KMT2A: variants seen among roughly 807,000 people sequenced by gnomAD.
The protein encoded by KMT2A is lysine methyltransferase 2A.
KMT2A carries 16 observed loss-of-function variants against 345.3 expected under a neutral mutation model. The ratio of observed to expected loss-of-function variants is 0.05; its 90% CI spans 0.03 to 0.07. KMT2A has a LOEUF of 0.07. Among genes scored for constraint, KMT2A ranks in the 10% least tolerant of loss-of-function variants. KMT2A has a pLI of 1.00. For synonymous variants in KMT2A, 1,599 were observed against 1,778.6 expected, an observed-to-expected ratio of 0.90 and a Z score of 2.54; for missense variants, 3,272 against 4,841.6, an observed-to-expected ratio of 0.68 and a Z score of 9.62.
intron 3 of KMT2A, among the ~76,000 whole-genome samples, 198 bp downstream of exon 3, chr11:118,474,513 G>A (rs556928784): frequency 6.6e-6 from 1 of 152,282 alleles, no homozygotes; most frequent in East Asian, 1.9e-4. Flanking sequence ...AACATTCTAA[G>A]TAGAGGGAAC....
chr11:118,437,082 TC>T, intron 1 of KMT2A, 138 bp downstream of exon 1: 1 of 1,052,518 alleles, frequency 9.5e-7, no homozygotes, highest in African/African-American at 1.7e-5. Flanking sequence ...GGCTCTCCCA[TC>T]TTGGGACCCC....
At position 118,502,895 on chromosome 11, in the gene KMT2A, G is replaced by T; in HGVS notation, c.7003G>T (p.Ala2335Ser). ...GGCTTACCCTGGAATTCCTAAACTG[G>T]CCCCACAGGTTCATAACACAACATC... is the stretch of plus-strand genomic sequence containing the variant. ...NVAYPGIPKL[A>S]PQVHNTTSRE... The change falls in exon 27 of 36, where the codon GCC becomes TCC. Residue 2335 changes from alanine to serine, a missense_variant. Physicochemically the swap from Ala to Ser is moderately conservative, Grantham distance 99. This residue lies in a region of KMT2A where 445 missense variants were observed against 500.9 expected (regional missense o/e 0.89). Coordinates refer to ENST00000534358, the MANE Select transcript of KMT2A (RefSeq NM_001197104.2). This position sits in a 1 kb window ranked among gnomAD's most constrained non-coding sequence, Gnocchi z 4.9. The T allele has an allele frequency of 6.2e-7, 1 of 1,614,106 alleles. No individual in the cohort carries two copies. The highest frequency in any genetic ancestry group is 8.5e-7 in the Non-Finnish European group (1 of 1,180,012).
At chr11:118,486,011 A>G (rs1303730324) in intron 10 of KMT2A, among the ~76,000 whole-genome samples, 2 of 152,218 alleles carry the variant, frequency 1.3e-5, no homozygotes, top group African/African-American at 2.4e-5. Context: ...TGAACCCGGG[A>G]GGTGGAGCTT....
chr11:118,519,915 T>A, intron 32 of KMT2A, 42 bp from the exon 33 acceptor site: 1 of 1,564,300 alleles, frequency 6.4e-7, no homozygotes. Context: ...TACTGCTTTA[T>A]TAAAGCATTT....
At chr11:118,450,923 T>G (rs1949522696) in intron 1 of KMT2A, among the ~76,000 whole-genome samples, 1 of 152,246 alleles carries the variant, frequency 6.6e-6, no homozygotes, top group Non-Finnish European at 1.5e-5. Flanking sequence ...TATATTATAC[T>G]TTTCTTACTG....
In KMT2A at chr11:118,498,025, C is replaced by T. The variant is rs555459464; in HGVS notation, c.5754C>T (p.Asp1918=). ...CAGCGGAAGTGTTTGAAGATGATGA[C>T]GGATCACTAAAGAATGTGCATATGG... is the stretch of plus-strand genomic sequence containing the variant. The part of the protein sequence containing the change: ...LWSAEVFEDD[D]GSLKNVHMAV... Residue 1918 remains aspartate (D), a synonymous_variant, in exon 21 of 36, where the codon GAC becomes GAT. Coordinates refer to ENST00000534358, the MANE Select transcript of KMT2A (RefSeq NM_001197104.2). The surrounding 1 kb of genome is among the most constrained non-coding windows in gnomAD (Gnocchi z 4.4). 2.1e-5 allele frequency: 34 copies of T among 1,614,016 alleles called. No homozygotes were observed. The highest frequency in any genetic ancestry group is 9.9e-5 in the South Asian group (9 of 91,076).
rs1436345020 is a variant in KMT2A, at chr11:118,494,501, A to G, written c.5289+103A>G. 3 of 841,084 alleles carry G rather than the reference A, an allele frequency of 3.6e-6. No individual in the cohort carries two copies. Among genetic ancestry groups the G allele is most frequent in the Non-Finnish European group, 5.8e-6 (3 of 519,576 alleles). The allele number at this position is 841,084 out of a possible 1,614,324, so 52.1% of individuals were successfully genotyped here. On this transcript the variant is annotated intron_variant, in intron 17 of 35. Coordinates refer to ENST00000534358, the MANE Select transcript of KMT2A (RefSeq NM_001197104.2). The surrounding 1 kb of genome is among the most constrained non-coding windows in gnomAD (Gnocchi z 5.8). ...TTCTACTTTTTGCTTTGTGGTGTGT[A>G]TAAAACATCTTTGGTTTAATTTGAT...
chr11:118,437,680 C>G (rs12273879), intron 1 of KMT2A, among the ~76,000 whole-genome samples: 11 of 151,392 alleles, frequency 7.3e-5, no homozygotes, highest in East Asian at 1.9e-4. Flanking sequence ...TCTCTTCCCC[C>G]CCCCGCCCCG....
rs1950568338 is a variant in KMT2A at position 118,505,635 on chromosome 11, C to T, written c.9743C>T (p.Pro3248Leu). ...APSSTPSNIA[P>L]SDVVSNMTLI... ...TCTAGTACCCCTTCAAACATTGCCCCTTCTGATGTGGTTTCTAATATGACA... is the reference window on the plus strand; with the variant it reads ...TCTAGTACCCCTTCAAACATTGCCCTTTCTGATGTGGTTTCTAATATGACA... The change falls in exon 27 of 36, where the codon CCT becomes CTT. Residue 3248 changes from proline (P) to leucine (L), a missense_variant. By Grantham distance (98) the Pro-to-Leu change is moderately conservative. Transcript: ENST00000534358. The surrounding 1 kb of genome is among the most constrained non-coding windows in gnomAD (Gnocchi z 4.6). 1.2e-6 allele frequency: 2 copies of T among 1,614,172 alleles called. No individual in the cohort carries two copies. Among genetic ancestry groups the T allele is most frequent in the Non-Finnish European group, 1.7e-6 (2 of 1,180,034 alleles).
Position 118,491,305 on chromosome 11 carries a change from T to C in KMT2A, c.4806T>C (p.Leu1602=). ...DRWVHSKCEN[L]SGTEDEMYEI... Reference sequence around the variant, plus strand: ...GGGTCCATTCCAAATGTGAGAATCTTTCAGGTACAGAAGGTTGGAGTCTTT... The same window carrying C: ...GGGTCCATTCCAAATGTGAGAATCTCTCAGGTACAGAAGGTTGGAGTCTTT... Residue 1602 remains leucine, a synonymous_variant, in exon 14 of 36, where the codon CTT becomes CTC. Coordinates refer to ENST00000534358, the MANE Select transcript of KMT2A (RefSeq NM_001197104.2). This position sits in a 1 kb window ranked among gnomAD's most constrained non-coding sequence, Gnocchi z 4.2. The C allele has an allele frequency of 6.2e-7, 1 of 1,613,810 alleles. No homozygotes were observed. Among genetic ancestry groups the C allele is most frequent in the Non-Finnish European group, 8.5e-7 (1 of 1,179,872 alleles).
Position 118,436,566 on chromosome 11 carries a change from C to A in KMT2A, c.54C>A (p.Gly18=). The part of the protein sequence containing the change: ...RFPARPGTTG[G]GGGGGRRGLG... ...CCGCCCGACCCGGGACCACCGGGGG[C>A]GGCGGCGGCGGGGGGCGCCGGGGCC... is the stretch of plus-strand genomic sequence containing the variant. Residue 18 remains glycine, a synonymous_variant, in exon 1 of 36, where the codon GGC becomes GGA. Transcript: ENST00000534358. The surrounding 1 kb of genome is among the most constrained non-coding windows in gnomAD (Gnocchi z 6.9). The A allele has an allele frequency of 8.6e-7, 1 of 1,166,658 alleles. No individual in the cohort carries two copies. Among genetic ancestry groups the A allele is most frequent in the Non-Finnish European group, 1.1e-6 (1 of 929,172 alleles). 72.3% of individuals were successfully genotyped at this position (1,166,658 alleles called of 1,614,324 possible).
intron 1 of KMT2A, among the ~76,000 whole-genome samples, chr11:118,462,036 C>T (rs1949753580): frequency 6.6e-6 from 1 of 152,140 alleles, no homozygotes; most frequent in African/African-American, 2.4e-5. Context: ...TCAATGCAAC[C>T]TCTGCCTCCC....
rs1950354433 is a variant in KMT2A, at chr11:118,493,330, T to A, written c.5178+100T>A. The A allele has an allele frequency of 2.2e-6, 2 of 900,734 alleles. No homozygotes were observed. Among genetic ancestry groups the A allele is most frequent in the African/African-American group, 1.7e-5 (1 of 58,644 alleles). The allele number at this position is 900,734 out of a possible 1,614,324, so 55.8% of individuals were successfully genotyped here. On this transcript the variant is annotated intron_variant, in intron 16 of 35. Coordinates refer to ENST00000534358, the MANE Select transcript of KMT2A (RefSeq NM_001197104.2). This position sits in a 1 kb window ranked among gnomAD's most constrained non-coding sequence, Gnocchi z 5.8. ...AGTATAAGTAAATTTAAAAATGAAT[T>A]GTATTATATTTAGAAATGTCACGTG...
At chr11:118,507,686 C>T (rs1360134941) in intron 28 of KMT2A, 77 bp downstream of exon 28, 5 of 1,218,046 alleles carry the variant, frequency 4.1e-6, no homozygotes, top group Non-Finnish European at 6.0e-6. Context: ...TCTTCCAGGC[C>T]GGGCGCAGTG....
intron 8 of KMT2A, among the ~76,000 whole-genome samples, chr11:118,483,216 G>GAGCT: frequency 7.5e-6 from 1 of 133,790 alleles, no homozygotes; most frequent in Non-Finnish European, 1.6e-5. Flanking sequence ...CTGGACAACA[G>GAGCT]AGCTAGACTC....
chr11:118,471,129 A>T (rs546912129), intron 2 of KMT2A, among the ~76,000 whole-genome samples: 7 of 152,198 alleles, frequency 4.6e-5, no homozygotes, highest in African/African-American at 1.7e-4. Context: ...TTCTTAGTCT[A>T]CTTTGGCAAA....
In KMT2A at chr11:118,523,189, C is replaced by T. The variant is rs890682602; in HGVS notation, c.*1017C>T. On this transcript the variant is annotated 3_prime_UTR_variant, in exon 36 of 36. Transcript: ENST00000534358. ...AAATAGGATTTAAATCATGCAACAACGAGAGTATCACAGCCAGGATGACCC... is the reference window on the plus strand; with the variant it reads ...AAATAGGATTTAAATCATGCAACAATGAGAGTATCACAGCCAGGATGACCC... 1.4e-4 allele frequency: 33 copies of T among 228,792 alleles called. No homozygotes were observed. The highest frequency in any genetic ancestry group is 6.9e-4 in the African/African-American group (31 of 45,064). The allele number at this position is 228,792 out of a possible 1,614,324, so 14.2% of individuals were successfully genotyped here. A position where few individuals can be genotyped will look rare whatever the true frequency, so the allele number is the denominator to read the frequency against.
chr11:118,475,615 C>T (rs1185160175), intron 3 of KMT2A, among the ~76,000 whole-genome samples: 3 of 151,864 alleles, frequency 2.0e-5, no homozygotes, highest in Non-Finnish European at 4.4e-5. Context: ...CCTAGCTACT[C>T]GGGAGGCTGA....
intron 1 of KMT2A, chr11:118,447,606 G>A: frequency 2.2e-6 from 1 of 450,002 alleles, no homozygotes; most frequent in Non-Finnish European, 4.4e-6. Context: ...CCTTACTTGA[G>A]TGTTGTTTCC....
Sources: allele counts gnomAD v4.1 joint callset (sites outside exome capture counted in the v4.1 genomes callset), GRCh38; gene constraint gnomAD v4.1.1; regional missense constraint gnomAD v4.1.1; non-coding constraint Gnocchi (gnomAD v3.1); transcripts MANE v1.5; gene names NCBI Gene and HGNC (gene_info 2026-07-23, HGNC 2026-07-21).